The following MAF variants were observed in gnomAD, a reference collection of about 807,000 sequenced individuals.
MAF encodes MAF bZIP transcription factor, also known as transcription factor Maf.
A neutral mutation model predicts 22.0 loss-of-function variants in MAF; 10 were observed. The ratio of observed to expected loss-of-function variants is 0.45; its 90% CI spans 0.28 to 0.77. The LOEUF (loss-of-function observed/expected upper bound fraction) is 0.77. Ranked by LOEUF, MAF falls within the 30% of genes least tolerant of loss-of-function variation. The probability of loss-of-function intolerance (pLI) is 0.12; values close to 1 mark genes in which losing one functional copy is unlikely to be tolerated. For synonymous variants in MAF, 337 were observed against 255.8 expected (o/e 1.32, Z -3.03); for missense variants, 544 against 548.4 (o/e 0.99, Z 0.08).
the MAF span, among the ~76,000 whole-genome samples, chr16:79,211,057 G>GTGTGTGTGTC: frequency 6.0e-5 from 9 of 150,642 alleles, no homozygotes; most frequent in African/African-American, 2.2e-4. Context: ...GTGTGTGTGT[G>GTGTGTGTGTC]CATTAAATGT....
At chr16:79,536,725 CCT>C in the MAF span, among the ~76,000 whole-genome samples, 8 of 151,966 alleles carry the variant, frequency 5.3e-5, no homozygotes. Flanking sequence ...ACTTTTTTTC[CCT>C]GTCATTATTC....
the MAF span, among the ~76,000 whole-genome samples, chr16:79,404,792 T>G: frequency 1.3e-5 from 2 of 152,082 alleles, no homozygotes; most frequent in Non-Finnish European, 2.9e-5. Context: ...AGCTTCCTGG[T>G]TTTCAGCGCC....
chr16:79,454,458 C>G, the MAF span, among the ~76,000 whole-genome samples: 1 of 152,170 alleles, frequency 6.6e-6, no homozygotes, highest in African/African-American at 2.4e-5. Context: ...ACCATTCCAT[C>G]CAACCCAGCT....
the MAF span, among the ~76,000 whole-genome samples, chr16:79,381,789 T>G: frequency 3.9e-5 from 6 of 152,208 alleles, no homozygotes; most frequent in African/African-American, 1.4e-4. Context: ...GAGGTTGCCT[T>G]GGAGAACACA....
chr16:79,429,063 G>A, the MAF span, among the ~76,000 whole-genome samples: 4 of 152,174 alleles, frequency 2.6e-5, no homozygotes, highest in Admixed American at 6.5e-5. Context: ...TAAGCAATGC[G>A]GATGTCTTTA....
the MAF span, among the ~76,000 whole-genome samples, chr16:79,500,127 G>C: frequency 2.6e-5 from 4 of 152,346 alleles, no homozygotes; most frequent in African/African-American, 9.6e-5. Flanking sequence ...TGACACCTCA[G>C]TTTCAGACGG....
the MAF span, among the ~76,000 whole-genome samples, chr16:79,221,812 C>T: frequency 6.7e-5 from 10 of 149,980 alleles, no homozygotes; most frequent in South Asian, 2.1e-4. Context: ...ATTCAAAAAC[C>T]GCATGAACAG....
the MAF span, among the ~76,000 whole-genome samples, chr16:79,509,398 C>G: frequency 1.3e-5 from 2 of 152,230 alleles, no homozygotes; most frequent in Admixed American, 6.5e-5. Context: ...GGAGGAGAAG[C>G]CTTTGTCTCT....
At chr16:79,425,509 A>G in the MAF span, among the ~76,000 whole-genome samples, 2 of 152,218 alleles carry the variant, frequency 1.3e-5, no homozygotes, top group African/African-American at 4.8e-5. Flanking sequence ...GAAAAGTTGA[A>G]TAAAGTTCTT....
the MAF span, among the ~76,000 whole-genome samples, chr16:79,283,639 T>C: frequency 6.6e-6 from 1 of 152,342 alleles, no homozygotes; most frequent in South Asian, 2.1e-4. Context: ...AGGTAGTTTC[T>C]GAAAATTGTC....
chr16:79,471,485 A>G, the MAF span, among the ~76,000 whole-genome samples: 5,701 of 152,246 alleles, frequency 0.037, 375 homozygotes, highest in African/African-American at 0.13. Context: ...TGTCTTTTGT[A>G]AAGACAGGCT....
chr16:79,508,770 G>T, the MAF span, among the ~76,000 whole-genome samples: 1 of 152,200 alleles, frequency 6.6e-6, no homozygotes, highest in East Asian at 1.9e-4. Context: ...ACCAGAAAGG[G>T]CATGTCTCAT....
chr16:79,350,083 C>T, the MAF span, among the ~76,000 whole-genome samples: 1 of 152,180 alleles, frequency 6.6e-6, no homozygotes, highest in Non-Finnish European at 1.5e-5. Context: ...CTCTGGCTTC[C>T]TCTGGCCCTT....
chr16:79,375,719 T>G, the MAF span, among the ~76,000 whole-genome samples: 2 of 152,188 alleles, frequency 1.3e-5, no homozygotes, highest in African/African-American at 2.4e-5. Context: ...ACATCACAAA[T>G]GGGGTCACAG....
At chr16:79,285,826 T>C in the MAF span, among the ~76,000 whole-genome samples, 1 of 152,208 alleles carries the variant, frequency 6.6e-6, no homozygotes, top group Admixed American at 6.5e-5. Context: ...ACTGCCATTC[T>C]TTCCAGGAGC....
At chr16:79,350,528 C>T in the MAF span, among the ~76,000 whole-genome samples, 8 of 152,168 alleles carry the variant, frequency 5.3e-5, no homozygotes, top group South Asian at 6.2e-4. Flanking sequence ...TGCAGTTAAA[C>T]GTGATCACCT....
chr16:79,353,603 T>G, the MAF span, among the ~76,000 whole-genome samples: 2 of 152,180 alleles, frequency 1.3e-5, no homozygotes, highest in East Asian at 3.9e-4. Flanking sequence ...TATCATGTCC[T>G]GCTAGGATCC....
chr16:79,582,119 C>T (rs1245400491), downstream of MAF, among the ~76,000 whole-genome samples: 1 of 152,182 alleles, frequency 6.6e-6, no homozygotes, highest in Non-Finnish European at 1.5e-5. Flanking sequence ...CTCAACCCTG[C>T]TGCTTTAGCT....
the MAF span, among the ~76,000 whole-genome samples, chr16:79,416,499 C>CAAAAAAAA: frequency 1.4e-5 from 2 of 140,044 alleles, no homozygotes; most frequent in African/African-American, 5.2e-5. Flanking sequence ...GGTTAAATTG[C>CAAAAAAAA]AAAAAAAAAA....
Sources: allele counts gnomAD v4.1 joint callset (sites outside exome capture counted in the v4.1 genomes callset), GRCh38; gene constraint gnomAD v4.1.1; transcripts MANE v1.5; gene names NCBI Gene and HGNC (gene_info 2026-07-23, HGNC 2026-07-21).